GPC6: variants seen among roughly 807,000 people sequenced by gnomAD.
GPC6 encodes the protein glypican-6.
A neutral mutation model predicts 55.2 loss-of-function variants in GPC6; 14 were observed. The ratio of observed to expected loss-of-function variants is 0.25; its 90% CI spans 0.17 to 0.40. The LOEUF is 0.40. GPC6 is among the 10% of genes least tolerant of loss of function. The probability of loss-of-function intolerance (pLI) is 1.00; values close to 1 mark genes in which losing one functional copy is unlikely to be tolerated. For missense variants in GPC6, 641 were observed against 708.5 expected, an observed-to-expected ratio of 0.90 and a Z score of 1.08; for synonymous variants, 278 against 259.6, an observed-to-expected ratio of 1.07 and a Z score of -0.68.
chr13:93,304,835 T>C (rs1325306684), intron 1 of GPC6, among the ~76,000 whole-genome samples: 1 of 151,860 alleles, frequency 6.6e-6, no homozygotes, highest in Non-Finnish European at 1.5e-5. Flanking sequence ...ATGTTGAGAG[T>C]GGGTGGGGGA....
intron 2 of GPC6, among the ~76,000 whole-genome samples, chr13:93,741,147 G>A (rs1308935115): frequency 3.1e-4 from 31 of 100,942 alleles, no homozygotes; most frequent in African/African-American, 1.1e-3. Flanking sequence ...TTTTTGAGAC[G>A]AAATCTCCCT....
intron 4 of GPC6, among the ~76,000 whole-genome samples, chr13:94,202,454 AAG>A (rs1347133223): frequency 1.3e-5 from 2 of 152,214 alleles, no homozygotes; most frequent in African/African-American, 4.8e-5. Flanking sequence ...GCAGACAAGA[AAG>A]AATGAGAGCC....
intron 4 of GPC6, among the ~76,000 whole-genome samples, chr13:94,185,158 G>A (rs528649900): frequency 1.6e-3 from 247 of 151,912 alleles, no homozygotes; most frequent in Non-Finnish European, 2.8e-3. Context: ...AAGGAGGAAA[G>A]GGGATAGGGT....
chr13:93,496,481 C>G (rs1429990551), intron 1 of GPC6, among the ~76,000 whole-genome samples: 2 of 152,214 alleles, frequency 1.3e-5, no homozygotes, highest in African/African-American at 4.8e-5. Context: ...TTCTGCGTCG[C>G]TCATGCTGGG....
chr13:94,317,136 T>C (rs1408848876), intron 6 of GPC6, among the ~76,000 whole-genome samples: 2 of 152,246 alleles, frequency 1.3e-5, no homozygotes, highest in Non-Finnish European at 2.9e-5. Context: ...GGAATGTGTG[T>C]GTCATTGGCT....
At chr13:93,217,445 T>C in the GPC6 span, among the ~76,000 whole-genome samples, 1 of 152,250 alleles carries the variant, frequency 6.6e-6, no homozygotes, top group Admixed American at 6.5e-5. Flanking sequence ...ATGATCACTA[T>C]GTTTTCGAGT....
chr13:93,842,398 G>A (rs1887985245), intron 3 of GPC6, among the ~76,000 whole-genome samples: 1 of 152,026 alleles, frequency 6.6e-6, no homozygotes, highest in African/African-American at 2.4e-5. Context: ...TATCTATTTT[G>A]GAATGGAGAA....
chr13:94,119,754 C>A lies in GPC6; in HGVS notation c.877+91860C>A, dbSNP rs528178727. 2.2e-4 allele frequency among the ~76,000 whole-genome samples: 33 copies of A among 152,172 alleles called. 1 individual carries two copies. In the South Asian group the frequency reaches 3.9e-3, roughly 18 times the overall value. On this transcript the variant is annotated intron_variant, in intron 4 of 8. Transcript: ENST00000377047. ...AGACCTGTGTAAGGACTTTGTTTTA[C>A]TCAGCAGTATGCTAGTAAATGTTTA...
At chr13:93,669,928 A>G (rs1430337548) in intron 2 of GPC6, among the ~76,000 whole-genome samples, 2 of 152,198 alleles carry the variant, frequency 1.3e-5, no homozygotes, top group African/African-American at 4.8e-5. Flanking sequence ...AAAAGTATTT[A>G]GCAACATATT....
chr13:94,406,223 T>C lies in GPC6; in HGVS notation c.*3006T>C, dbSNP rs1881359801. ...TCTTTAGTTATAATATGTATTTTTC[T>C]AACAGAAATACACGTCTGTAATTGG... On this transcript the variant is annotated 3_prime_UTR_variant, in exon 9 of 9. Transcript: ENST00000377047. 1 of 152,174 alleles carries C rather than the reference T, an allele frequency of 6.6e-6. No homozygotes were observed. Among genetic ancestry groups the C allele is most frequent in the South Asian group, 2.1e-4 (1 of 4,830 alleles). 9.4% of individuals were successfully genotyped at this position (152,174 alleles called of 1,614,324 possible). A position where few individuals can be genotyped will look rare whatever the true frequency, so the allele number is the denominator to read the frequency against.
At chr13:94,401,539 C>CA in intron 8 of GPC6, among the ~76,000 whole-genome samples, 1 of 151,992 alleles carries the variant, frequency 6.6e-6, no homozygotes, top group Non-Finnish European at 1.5e-5. Context: ...TGGTTTCAAG[C>CA]AGAGAATGGC....
chr13:94,113,094 C>T (rs1886308888), intron 4 of GPC6, among the ~76,000 whole-genome samples: 1 of 152,106 alleles, frequency 6.6e-6, no homozygotes, highest in African/African-American at 2.4e-5. Context: ...AACTTTTTCT[C>T]AGGCCTTGGA....
intron 2 of GPC6, among the ~76,000 whole-genome samples, chr13:93,762,833 A>T (rs543673892): frequency 3.3e-5 from 5 of 152,268 alleles, no homozygotes; most frequent in African/African-American, 9.6e-5. Context: ...GGGATTCATA[A>T]CTGTCACCCA....
chr13:93,223,389 C>A (rs994444199), upstream of GPC6, among the ~76,000 whole-genome samples: 6 of 152,022 alleles, frequency 3.9e-5, no homozygotes, highest in Non-Finnish European at 8.8e-5. Flanking sequence ...TTTTATTAAA[C>A]GTACCATATT....
intron 2 of GPC6, among the ~76,000 whole-genome samples, chr13:93,564,110 C>T (rs1875964684): frequency 6.6e-6 from 1 of 152,080 alleles, no homozygotes; most frequent in African/African-American, 2.4e-5. Flanking sequence ...TATACTTTAA[C>T]TCATAAAGGA....
intron 1 of GPC6, among the ~76,000 whole-genome samples, chr13:93,451,820 G>A (rs971342042): frequency 2.6e-5 from 4 of 152,170 alleles, no homozygotes; most frequent in African/African-American, 9.7e-5. Context: ...AGCTGTGTCA[G>A]CCACCAGATG....
intron 1 of GPC6, among the ~76,000 whole-genome samples, chr13:93,455,471 A>G (rs1382788529): frequency 6.6e-6 from 1 of 151,966 alleles, no homozygotes; most frequent in Non-Finnish European, 1.5e-5. Flanking sequence ...CAGTTTTTCC[A>G]TGTCACCTGC....
At chr13:94,204,089 GT>G (rs1009468338) in intron 4 of GPC6, among the ~76,000 whole-genome samples, 1 of 152,016 alleles carries the variant, frequency 6.6e-6, no homozygotes, top group African/African-American at 2.4e-5. Context: ...ATTGCTTTGG[GT>G]TTTTATTTCT....
chr13:93,698,771 C>T (rs1038612565), intron 2 of GPC6, among the ~76,000 whole-genome samples: 1 of 151,972 alleles, frequency 6.6e-6, no homozygotes, highest in African/African-American at 2.4e-5. Context: ...TTGGCTTTCA[C>T]AATCCTTCTT....
Sources: allele counts gnomAD v4.1 joint callset (sites outside exome capture counted in the v4.1 genomes callset), GRCh38; gene constraint gnomAD v4.1.1; transcripts MANE v1.5; gene names NCBI Gene and HGNC (gene_info 2026-07-23, HGNC 2026-07-21).